SLC7A1: variants seen among roughly 807,000 people sequenced by gnomAD.
SLC7A1 encodes high affinity cationic amino acid transporter 1.
A neutral mutation model predicts 53.9 loss-of-function variants in SLC7A1; 10 were observed. The ratio of observed to expected loss-of-function variants is 0.19; its 90% CI spans 0.11 to 0.31. The LOEUF is 0.31. SLC7A1 is among the 10% of genes least tolerant of loss of function. The pLI, the probability that SLC7A1 is intolerant of heterozygous loss-of-function variation, is 1.00. For synonymous variants in SLC7A1, 342 were observed against 338.7 expected (o/e 1.01, Z -0.11); for missense variants, 525 against 827.2 (o/e 0.63, Z 4.48).
At chr13:29,579,157 G>A (rs1021693212) in intron 1 of SLC7A1, among the ~76,000 whole-genome samples, 1 of 152,134 alleles carries the variant, frequency 6.6e-6, no homozygotes, top group African/African-American at 2.4e-5. Context: ...TATATATTTT[G>A]ATGTGTATGG....
At chr13:29,542,466 C>T (rs918601798) in intron 2 of SLC7A1, among the ~76,000 whole-genome samples, 2 of 150,636 alleles carry the variant, frequency 1.3e-5, no homozygotes, top group African/African-American at 4.9e-5. Context: ...AAAAAAAAGA[C>T]TACGTGGGCT....
intron 1 of SLC7A1, among the ~76,000 whole-genome samples, chr13:29,560,074 C>T (rs1020759074): frequency 1.4e-4 from 21 of 152,154 alleles, no homozygotes; most frequent in African/African-American, 5.1e-4. Flanking sequence ...AAACATTACA[C>T]AGAAGTACAA....
rs1871714328 is a variant in SLC7A1 at position 29,582,982 on chromosome 13, C to CA, written c.-115+12433dup. Reference sequence around the variant, plus strand: ...ACTGTTACAAAATGCACCCAATGTACACAACTACAATGGAAATGTTTCCTG... The same window carrying CA: ...ACTGTTACAAAATGCACCCAATGTACAACAACTACAATGGAAATGTTTCCTG... On this transcript the variant is annotated intron_variant, in intron 1 of 12. Transcript: ENST00000380752. 3.3e-5 allele frequency among the ~76,000 whole-genome samples: 5 copies of CA among 152,338 alleles called. No homozygotes were observed. In the South Asian group the frequency reaches 1.0e-3, roughly 32 times the overall value.
At chr13:29,523,553 C>T (rs1352281232) in intron 6 of SLC7A1, 65 bp from the exon 7 acceptor site, 2 of 1,227,196 alleles carry the variant, frequency 1.6e-6, no homozygotes, top group Non-Finnish European at 2.4e-6. Context: ...GCCCACATGA[C>T]ACCCAAGGCC....
chr13:29,520,646 C>A (rs1055625441), intron 8 of SLC7A1, among the ~76,000 whole-genome samples: 1 of 152,158 alleles, frequency 6.6e-6, no homozygotes, highest in Non-Finnish European at 1.5e-5. Flanking sequence ...GGGATATTTT[C>A]AAAACACATG....
Position 29,562,126 on chromosome 13 carries a change from C to T in SLC7A1, c.-114-8266G>A, listed in dbSNP as rs184691142. Among the ~76,000 whole-genome samples, 6 of 152,360 alleles carry T rather than the reference C, an allele frequency of 3.9e-5. No individual in the cohort carries two copies. In the East Asian group the frequency reaches 1.2e-3, roughly 29 times the overall value. On this transcript the variant is annotated intron_variant, in intron 1 of 12. Coordinates refer to ENST00000380752, the MANE Select transcript of SLC7A1 (RefSeq NM_003045.5). ...GTTCCATCCCAGCATAGCATATTCTCAGCCTGCCAGTTTCCCAATGATCAC... is the reference window on the plus strand; with the variant it reads ...GTTCCATCCCAGCATAGCATATTCTTAGCCTGCCAGTTTCCCAATGATCAC...
intron 4 of SLC7A1, among the ~76,000 whole-genome samples, chr13:29,531,432 C>A (rs929643452): frequency 6.6e-6 from 1 of 152,162 alleles, no homozygotes; most frequent in Non-Finnish European, 1.5e-5. Flanking sequence ...TCGGGTACTT[C>A]CATAGCTGAA....
At chr13:29,581,908 C>T (rs114915053) in intron 1 of SLC7A1, among the ~76,000 whole-genome samples, 1 of 152,240 alleles carries the variant, frequency 6.6e-6, no homozygotes, top group Non-Finnish European at 1.5e-5. Context: ...AATACCAACA[C>T]ATTTATGTGC....
At chr13:29,541,988 C>T (rs74042331) in intron 2 of SLC7A1, among the ~76,000 whole-genome samples, 2,740 of 152,260 alleles carry the variant, frequency 0.018, 88 homozygotes, top group African/African-American at 0.063. Context: ...AGTAATTTTA[C>T]TATTCACTAT....
At chr13:29,516,830 T>G (rs1023494336) in intron 11 of SLC7A1, 9 of 271,012 alleles carry the variant, frequency 3.3e-5, no homozygotes, top group Non-Finnish European at 6.2e-5. Context: ...GGACATTTAT[T>G]TTCCAGAGAA....
At chr13:29,557,657 G>C (rs1157240508) in intron 1 of SLC7A1, among the ~76,000 whole-genome samples, 1 of 146,494 alleles carries the variant, frequency 6.8e-6, no homozygotes, top group Non-Finnish European at 1.5e-5. Flanking sequence ...ATGAGTGAGG[G>C]GGGAGTGAAT....
intron 5 of SLC7A1, among the ~76,000 whole-genome samples, chr13:29,524,963 C>T (rs1868816179): frequency 6.6e-6 from 1 of 152,214 alleles, no homozygotes; most frequent in South Asian, 2.1e-4. Context: ...GACACCTGTG[C>T]CGAGACACGG....
chr13:29,591,447 C>A (rs968725764), intron 1 of SLC7A1, among the ~76,000 whole-genome samples: 1 of 152,174 alleles, frequency 6.6e-6, no homozygotes, highest in African/African-American at 2.4e-5. Flanking sequence ...AGCCCCATAA[C>A]CTCATGTTGC....
At chr13:29,537,757 A>G (rs1164367728) in intron 2 of SLC7A1, among the ~76,000 whole-genome samples, 13 of 152,258 alleles carry the variant, frequency 8.5e-5, no homozygotes, top group African/African-American at 3.1e-4. Context: ...TGCTATCGTC[A>G]TGACTTTTGG....
chr13:29,590,206 C>G (rs1460706391), intron 1 of SLC7A1, among the ~76,000 whole-genome samples: 2 of 152,186 alleles, frequency 1.3e-5, no homozygotes, highest in Non-Finnish European at 2.9e-5. Flanking sequence ...GACATCCTAT[C>G]CTACAGACCC....
chr13:29,544,588 T>A lies in SLC7A1; in HGVS notation c.-14-8386A>T, dbSNP rs573313421. Among the ~76,000 whole-genome samples the A allele has an allele frequency of 6.1e-4, 93 of 152,264 alleles. 1 individual carries two copies. Among genetic ancestry groups the A allele is most frequent in the Admixed American group, 1.8e-3 (27 of 15,296 alleles). On this transcript the variant is annotated intron_variant, in intron 2 of 12. Coordinates refer to ENST00000380752, the MANE Select transcript of SLC7A1 (RefSeq NM_003045.5). ...GCACATTAGAATCATCTGGGGAGAT[T>A]TTTTTAAGTAATAATGCCTGGCCCC...
At chr13:29,592,256 C>T (rs1028170833) in intron 1 of SLC7A1, among the ~76,000 whole-genome samples, 6 of 152,198 alleles carry the variant, frequency 3.9e-5, no homozygotes, top group Admixed American at 3.9e-4. Context: ...TGCCATTCCC[C>T]ACTGTTCCTG....
chr13:29,542,363 G>C (rs1385241014), intron 2 of SLC7A1, among the ~76,000 whole-genome samples: 2 of 152,122 alleles, frequency 1.3e-5, no homozygotes, highest in Non-Finnish European at 2.9e-5. Flanking sequence ...GCTGAGGCAG[G>C]AGAATTGCTT....
At chr13:29,592,213 C>T (rs1240364605) in intron 1 of SLC7A1, among the ~76,000 whole-genome samples, 1 of 152,180 alleles carries the variant, frequency 6.6e-6, no homozygotes, top group African/African-American at 2.4e-5. Context: ...GCTCTGATTC[C>T]AGTTATCCAG....
Sources: gnomAD v4.1 joint callset for allele counts (sites outside exome capture counted in the v4.1 genomes callset) on GRCh38, gnomAD v4.1.1 for gene constraint, MANE v1.5 for transcripts, NCBI Gene and HGNC (gene_info 2026-07-23, HGNC 2026-07-21) for gene names.